Variants in POLR3G observed in about 807,000 individuals in gnomAD.
The protein encoded by POLR3G is RNA polymerase III subunit G.
POLR3G carries 28 observed loss-of-function variants against 30.1 expected under a neutral mutation model. The observed-to-expected ratio is 0.93, with a 90% CI of 0.69 to 1.27. The LOEUF (loss-of-function observed/expected upper bound fraction) is 1.27. Among genes scored for constraint, POLR3G ranks in the 50% most tolerant of loss-of-function variants. The pLI is 0.00. For missense variants in POLR3G, 254 were observed against 264.6 expected (o/e 0.96, Z 0.28); for synonymous variants, 79 against 82.5 (o/e 0.96, Z 0.23).
chr5:90,499,819 G>A (rs1456567244), intron 5 of POLR3G, among the ~76,000 whole-genome samples: 1 of 107,312 alleles, frequency 9.3e-6, no homozygotes, highest in Admixed American at 8.9e-5. Context: ...TAAAGATACA[G>A]TATATAATCA....
chr5:90,476,563 A>G (rs1750832712), intron 1 of POLR3G, among the ~76,000 whole-genome samples: 1 of 152,184 alleles, frequency 6.6e-6, no homozygotes, highest in South Asian at 2.1e-4. Flanking sequence ...CTTTTTCTCT[A>G]GGCAGAAGCA....
At chr5:90,502,177 C>G in intron 6 of POLR3G, 189 bp downstream of exon 6, 2 of 985,324 alleles carry the variant, frequency 2.0e-6, no homozygotes, top group Non-Finnish European at 2.4e-6. Flanking sequence ...AGGGTCTGTC[C>G]TGTCCTTCGT....
At chr5:90,480,070 C>T (rs1026427566) in intron 1 of POLR3G, among the ~76,000 whole-genome samples, 1 of 152,190 alleles carries the variant, frequency 6.6e-6, no homozygotes, top group Non-Finnish European at 1.5e-5. Flanking sequence ...TGCTCTCTGG[C>T]TCCTAGCACA....
At chr5:90,486,235 G>A (rs1373545111) in intron 2 of POLR3G, among the ~76,000 whole-genome samples, 1 of 152,160 alleles carries the variant, frequency 6.6e-6, no homozygotes, top group African/African-American at 2.4e-5. Flanking sequence ...CAGGGATCTA[G>A]ATGTATCACA....
At chr5:90,500,326 T>G (rs1007539864) in intron 5 of POLR3G, among the ~76,000 whole-genome samples, 10 of 152,092 alleles carry the variant, frequency 6.6e-5, no homozygotes, top group African/African-American at 2.4e-4. Context: ...TAAAAGAAAC[T>G]ATTCAAATAT....
At chr5:90,492,880 A>G (rs1026316197) in intron 3 of POLR3G, among the ~76,000 whole-genome samples, 1 of 151,122 alleles carries the variant, frequency 6.6e-6, no homozygotes, top group African/African-American at 2.4e-5. Flanking sequence ...AAAAAAAAGT[A>G]TGAGACATCA....
At chr5:90,497,789 T>A (rs1752062238) in intron 5 of POLR3G, 83 bp downstream of exon 5, 23 of 1,464,758 alleles carry the variant, frequency 1.6e-5, no homozygotes, top group Admixed American at 2.3e-5. Flanking sequence ...CAACCCAAAG[T>A]TATACTCACT....
intron 5 of POLR3G, 40 bp from the exon 6 acceptor site, chr5:90,501,866 C>T (rs1318735636): frequency 6.2e-7 from 1 of 1,604,446 alleles, no homozygotes; most frequent in Non-Finnish European, 8.5e-7. Flanking sequence ...TACAGAGTTG[C>T]AGTTGCAGAA....
chr5:90,502,360 T>C (rs758312050), intron 6 of POLR3G: 1 of 921,192 alleles, frequency 1.1e-6, no homozygotes, highest in Admixed American at 6.2e-5. Flanking sequence ...TGTTGGTTAA[T>C]ATGTACAGTT....
chr5:90,508,686 C>T (rs773186726), intron 7 of POLR3G, among the ~76,000 whole-genome samples: 7 of 151,818 alleles, frequency 4.6e-5, no homozygotes, highest in Non-Finnish European at 1.0e-4. Context: ...ATTATTGCTA[C>T]CACGCTCACC....
At chr5:90,501,512 G>A (rs1752244626) in intron 5 of POLR3G, among the ~76,000 whole-genome samples, 2 of 152,264 alleles carry the variant, frequency 1.3e-5, no homozygotes, top group South Asian at 4.2e-4. Flanking sequence ...TGGTTAAAAT[G>A]AAGTACACTT....
At chr5:90,503,997 G>A (rs961928108) in intron 6 of POLR3G, among the ~76,000 whole-genome samples, 6 of 152,280 alleles carry the variant, frequency 3.9e-5, no homozygotes, top group African/African-American at 1.4e-4. Context: ...AATCTCAACA[G>A]GAGAGAAAAT....
chr5:90,512,748 T>G lies in POLR3G; in HGVS notation c.*609T>G, dbSNP rs1202979487. The G allele has an allele frequency of 6.6e-6, 1 of 152,530 alleles. No individual in the cohort carries two copies. Among genetic ancestry groups the G allele is most frequent in the Non-Finnish European group, 1.5e-5 (1 of 68,006 alleles). The allele number at this position is 152,530 out of a possible 1,614,324, so 9.4% of individuals were successfully genotyped here. A position where few individuals can be genotyped will look rare whatever the true frequency, so the allele number is the denominator to read the frequency against. On this transcript the variant is annotated 3_prime_UTR_variant, in exon 8 of 8. Transcript: ENST00000651687. ...CAATATAAATTTCACAGCTCACATCTTAGCCAGTACAAAGAAACTTTCACA... is the reference window on the plus strand; with the variant it reads ...CAATATAAATTTCACAGCTCACATCGTAGCCAGTACAAAGAAACTTTCACA...
intron 7 of POLR3G, 146 bp from the exon 8 acceptor site, chr5:90,511,907 C>G (rs1752755524): frequency 1.7e-6 from 1 of 605,798 alleles, no homozygotes; most frequent in East Asian, 2.8e-5. Context: ...AGGTGGTGGT[C>G]TTAAGGAAGA....
chr5:90,503,186 A>G (rs1226339113), intron 6 of POLR3G, among the ~76,000 whole-genome samples: 4 of 152,224 alleles, frequency 2.6e-5, no homozygotes, highest in African/African-American at 4.8e-5. Context: ...TGTTATGTCC[A>G]TAAGAGTTCA....
chr5:90,503,113 G>GT, intron 6 of POLR3G, among the ~76,000 whole-genome samples: 2 of 152,264 alleles, frequency 1.3e-5, no homozygotes, highest in Middle Eastern at 3.4e-3. Context: ...GATGATGACA[G>GT]TAACAGCTAA....
intron 3 of POLR3G, among the ~76,000 whole-genome samples, chr5:90,492,858 C>T (rs937125981): frequency 8.9e-5 from 8 of 90,014 alleles, no homozygotes; most frequent in Admixed American, 9.7e-5. Flanking sequence ...AAGACTCCGC[C>T]TCAAAAAAAA....
chr5:90,501,787 A>G, intron 5 of POLR3G, 119 bp from the exon 6 acceptor site: 4 of 1,092,930 alleles, frequency 3.7e-6, no homozygotes, highest in Non-Finnish European at 5.1e-6. Context: ...TTTACTCTGA[A>G]AACTATGTGA....
intron 1 of POLR3G, among the ~76,000 whole-genome samples, chr5:90,482,746 A>G (rs183412769): frequency 6.6e-6 from 1 of 152,288 alleles, no homozygotes; most frequent in East Asian, 1.9e-4. Flanking sequence ...GAACTGACTC[A>G]GCAGAAGAGA....
Sources: allele counts gnomAD v4.1 joint callset (sites outside exome capture counted in the v4.1 genomes callset), GRCh38; gene constraint gnomAD v4.1.1; transcripts MANE v1.5; gene names NCBI Gene and HGNC (gene_info 2026-07-23, HGNC 2026-07-21).